ANXA10: variants seen among roughly 807,000 people sequenced by gnomAD.
The protein encoded by ANXA10 is annexin 14.
Under a neutral mutation model 53.5 loss-of-function variants are expected in ANXA10, and 49 were observed. The ratio of observed to expected loss-of-function variants is 0.92; its 90% CI spans 0.73 to 1.16. ANXA10 has a LOEUF of 1.16. Ranked by LOEUF, ANXA10 falls within the 50% of genes most tolerant of loss-of-function variation. The pLI is 0.00. For synonymous variants in ANXA10, 131 were observed against 128.9 expected, an observed-to-expected ratio of 1.02 and a Z score of -0.11; for missense variants, 393 against 394.4, an observed-to-expected ratio of 1.00 and a Z score of 0.03.
intron 1 of ANXA10, among the ~76,000 whole-genome samples, chr4:168,101,638 A>T (rs1316532945): frequency 6.6e-6 from 1 of 152,040 alleles, no homozygotes; most frequent in Non-Finnish European, 1.5e-5. Flanking sequence ...TTGAAGACCG[A>T]TATTTAAAAC....
At chr4:168,128,263 A>G (rs748662795) in intron 2 of ANXA10, 98 bp downstream of exon 2, 7 of 773,420 alleles carry the variant, frequency 9.1e-6, no homozygotes, top group Non-Finnish European at 1.4e-5. Flanking sequence ...GATGTCTTAC[A>G]AAACACAGAT....
chr4:168,152,101 T>C (rs900791766), intron 3 of ANXA10, among the ~76,000 whole-genome samples: 1 of 152,238 alleles, frequency 6.6e-6, no homozygotes, highest in African/African-American at 2.4e-5. Context: ...GCTTACATTC[T>C]ACCTATTCCA....
At chr4:168,102,894 C>A (rs1730663685) in intron 1 of ANXA10, among the ~76,000 whole-genome samples, 1 of 152,072 alleles carries the variant, frequency 6.6e-6, no homozygotes, top group Non-Finnish European at 1.5e-5. Context: ...CAATATATTA[C>A]AGTAGAATAT....
chr4:168,099,375 A>G (rs2149463882), intron 1 of ANXA10, among the ~76,000 whole-genome samples: 1 of 152,236 alleles, frequency 6.6e-6, no homozygotes, highest in Non-Finnish European at 1.5e-5. Context: ...CTGGGGACAC[A>G]TGCACCTTCT....
At chr4:168,138,723 G>C (rs1309100223) in intron 2 of ANXA10, among the ~76,000 whole-genome samples, 2 of 152,182 alleles carry the variant, frequency 1.3e-5, no homozygotes, top group Non-Finnish European at 2.9e-5. Context: ...TCCAATTCAT[G>C]AGCATGAAAT....
At chr4:168,110,444 CTTT>C (rs70957898) in intron 1 of ANXA10, among the ~76,000 whole-genome samples, 7 of 127,542 alleles carry the variant, frequency 5.5e-5, no homozygotes, top group Non-Finnish European at 3.4e-5. Flanking sequence ...TGTGTTAATT[CTTT>C]TTTTTTTTTT....
intron 1 of ANXA10, among the ~76,000 whole-genome samples, chr4:168,116,769 C>G (rs1476263386): frequency 6.6e-6 from 1 of 152,064 alleles, no homozygotes; most frequent in Non-Finnish European, 1.5e-5. Context: ...AGGATGACTA[C>G]CAACCAGAAC....
At chr4:168,181,567 A>G (rs1244512225) in intron 9 of ANXA10, 116 bp from the exon 10 acceptor site, 24 of 827,946 alleles carry the variant, frequency 2.9e-5, no homozygotes, top group Non-Finnish European at 3.7e-5. Context: ...CTAAGTGTTG[A>G]CCTTACAATA....
intron 1 of ANXA10, among the ~76,000 whole-genome samples, chr4:168,116,671 A>T (rs1029594231): frequency 6.6e-6 from 1 of 152,136 alleles, no homozygotes; most frequent in Non-Finnish European, 1.5e-5. Context: ...GAAGAAATCC[A>T]ATTAATATGC....
intron 3 of ANXA10, among the ~76,000 whole-genome samples, chr4:168,150,547 T>G (rs1219881068): frequency 6.6e-6 from 1 of 152,106 alleles, no homozygotes; most frequent in Admixed American, 6.6e-5. Context: ...AACAGACACT[T>G]TGATAGCCAG....
chr4:168,100,555 C>T (rs896233558), intron 1 of ANXA10, among the ~76,000 whole-genome samples: 1 of 152,014 alleles, frequency 6.6e-6, no homozygotes, highest in African/African-American at 2.4e-5. Context: ...AAAGTGAAGA[C>T]AAAAACAACT....
At chr4:168,117,550 C>T (rs1730913756) in intron 1 of ANXA10, among the ~76,000 whole-genome samples, 1 of 152,036 alleles carries the variant, frequency 6.6e-6, no homozygotes, top group Admixed American at 6.5e-5. Flanking sequence ...TAAGTCCTCA[C>T]CTGATGTCAT....
intron 3 of ANXA10, among the ~76,000 whole-genome samples, chr4:168,144,218 G>A (rs780737947): frequency 6.6e-5 from 10 of 151,582 alleles, no homozygotes; most frequent in Non-Finnish European, 1.3e-4. Context: ...ACAAAGTCTC[G>A]CTCTGTCACC....
At chr4:168,124,646 CT>C (rs1406227090) in intron 1 of ANXA10, among the ~76,000 whole-genome samples, 1 of 152,126 alleles carries the variant, frequency 6.6e-6, no homozygotes, top group East Asian at 1.9e-4. Context: ...TTGCAATATA[CT>C]TTTTTGAGTG....
intron 1 of ANXA10, among the ~76,000 whole-genome samples, chr4:168,116,937 C>T (rs1454536673): frequency 6.6e-6 from 1 of 151,678 alleles, no homozygotes; most frequent in African/African-American, 2.4e-5. Flanking sequence ...ATTATTTCTC[C>T]ATTTAATTTT....
chr4:168,158,606 GA>G (rs1553957950), intron 3 of ANXA10, among the ~76,000 whole-genome samples: 1 of 152,110 alleles, frequency 6.6e-6, no homozygotes, highest in Non-Finnish European at 1.5e-5. Flanking sequence ...ATATCAGTAA[GA>G]GCAGACATCC....
intron 9 of ANXA10, among the ~76,000 whole-genome samples, chr4:168,179,589 T>C (rs1307306191): frequency 2.6e-5 from 4 of 152,196 alleles, no homozygotes; most frequent in Non-Finnish European, 5.9e-5. Context: ...TCAGATATTT[T>C]CTCTTTGAAT....
intron 2 of ANXA10, among the ~76,000 whole-genome samples, chr4:168,138,215 C>G (rs567649014): frequency 1.3e-5 from 2 of 152,056 alleles, no homozygotes; most frequent in Non-Finnish European, 2.9e-5. Flanking sequence ...CCCACCTCGA[C>G]CCCCCAAAGT....
chr4:168,161,084 T>A (rs577026428), intron 3 of ANXA10, among the ~76,000 whole-genome samples: 80 of 152,326 alleles, frequency 5.3e-4, no homozygotes, highest in African/African-American at 1.9e-3. Flanking sequence ...TTTGTCAATT[T>A]TTGCTTTTGT....
Sources: gnomAD v4.1 joint callset for allele counts (sites outside exome capture counted in the v4.1 genomes callset) on GRCh38, gnomAD v4.1.1 for gene constraint, MANE v1.5 for transcripts, NCBI Gene and HGNC (gene_info 2026-07-23, HGNC 2026-07-21) for gene names.